The following HAUS8 variants were observed in gnomAD, a reference collection of about 807,000 sequenced individuals.
HAUS8 encodes HAUS augmin-like complex subunit 8.
A neutral mutation model predicts 42.9 loss-of-function variants in HAUS8; 38 were observed. The ratio of observed to expected loss-of-function variants is 0.89; its 90% CI spans 0.68 to 1.16. HAUS8 has a LOEUF of 1.16. Ranked by LOEUF, HAUS8 falls within the 50% of genes most tolerant of loss-of-function variation. The probability of loss-of-function intolerance (pLI) is 0.00; values close to 1 mark genes in which losing one functional copy is unlikely to be tolerated. For missense variants in HAUS8, 494 were observed against 511.6 expected, an observed-to-expected ratio of 0.97 and a Z score of 0.33; for synonymous variants, 199 against 205.8, an observed-to-expected ratio of 0.97 and a Z score of 0.28.
intron 9 of HAUS8, chr19:17,055,114 G>GAAAAAAAAAAA (rs1175327637): frequency 2.1e-4 from 1 of 4,720 alleles, no homozygotes; most frequent in Non-Finnish European, 3.7e-4. Flanking sequence ...CGTCTCTACA[G>GAAAAAAAAAAA]AAAAAAAAAA....
At chr19:17,059,491 C>G in intron 6 of HAUS8, 66 bp downstream of exon 6, 3 of 1,129,272 alleles carry the variant, frequency 2.7e-6, no homozygotes, top group Non-Finnish European at 2.7e-6. Context: ...GCATCTGGTT[C>G]AGAGTGGACT....
chr19:17,054,306 AGAGACT>A lies in HAUS8; in HGVS notation c.788-1346_788-1341del, dbSNP rs369894824. Among the ~76,000 whole-genome samples the A allele has an allele frequency of 3.7e-3, 556 of 152,266 alleles. 2 individuals are homozygous for A. Among genetic ancestry groups the A allele is most frequent in the African/African-American group, 0.013 (533 of 41,550 alleles). ...CCAGGAACTACCTAAGGAACTGAGC[AGAGACT>A]GAGTGTTTTCTAAGAGTTACAGATG... On this transcript the variant is annotated intron_variant, in intron 9 of 10. Transcript: ENST00000253669.
chr19:17,068,934 A>G, intron 3 of HAUS8, 97 bp downstream of exon 3: 1 of 1,061,110 alleles, frequency 9.4e-7, no homozygotes, highest in Non-Finnish European at 1.4e-6. Flanking sequence ...TTCCTTCAGG[A>G]CCAGGTTGTG....
intron 10 of HAUS8, chr19:17,052,569 C>T (rs2057294187): frequency 1.6e-5 from 6 of 371,994 alleles, no homozygotes; most frequent in South Asian, 1.3e-4. Flanking sequence ...AGAGTGAGAA[C>T]CTGTCTCAAA....
intron 10 of HAUS8, 22 bp downstream of exon 10, chr19:17,052,803 C>T (rs755168911): frequency 6.2e-7 from 1 of 1,613,930 alleles, no homozygotes. Context: ...CCACCTCTTT[C>T]TTAAAGCATT....
intron 10 of HAUS8, among the ~76,000 whole-genome samples, chr19:17,050,985 C>G (rs2057284101): frequency 6.6e-6 from 1 of 151,618 alleles, no homozygotes. Context: ...GCTTGAGCCT[C>G]GGAGGCAGAG....
chr19:17,073,787 G>A (rs181633845), intron 1 of HAUS8: 162 of 181,364 alleles, frequency 8.9e-4, no homozygotes, highest in African/African-American at 3.6e-3. Context: ...GGCGGATCAC[G>A]AGGTCAGGAG....
rs555356202 is a variant in HAUS8, at chr19:17,072,777, A to G, written c.91+497T>C. ...ACCGATAGGTGGAAATCAGATGTAC[A>G]GGCACCCCTCATGAGACTGACACGC... On this transcript the variant is annotated intron_variant, in intron 2 of 10. Coordinates refer to ENST00000253669, the MANE Select transcript of HAUS8 (RefSeq NM_033417.2). Among the ~76,000 whole-genome samples the G allele has an allele frequency of 5.9e-5, 9 of 152,052 alleles. 1 individual carries two copies. In the South Asian group the frequency reaches 1.9e-3, roughly 32 times the overall value.
At chr19:17,063,968 C>A (rs2057374668) in intron 3 of HAUS8, among the ~76,000 whole-genome samples, 2 of 152,208 alleles carry the variant, frequency 1.3e-5, no homozygotes, top group South Asian at 4.1e-4. Flanking sequence ...GTAAATAAAT[C>A]TCCTTTTATA....
intron 4 of HAUS8, among the ~76,000 whole-genome samples, chr19:17,060,880 G>A (rs1305990908): frequency 6.6e-6 from 1 of 152,180 alleles, no homozygotes; most frequent in Non-Finnish European, 1.5e-5. Context: ...TGCTGCAGAT[G>A]CCAACAGATG....
intron 2 of HAUS8, 93 bp from the exon 3 acceptor site, chr19:17,069,179 G>A (rs750092467): frequency 8.3e-6 from 9 of 1,084,558 alleles, no homozygotes; most frequent in Non-Finnish European, 1.3e-5. Context: ...CAGATGCCAG[G>A]GGCCCTCTCC....
chr19:17,054,165 T>C lies in HAUS8; in HGVS notation c.788-1199A>G, dbSNP rs1599970241. Among the ~76,000 whole-genome samples, 3 of 152,210 alleles carry C rather than the reference T, an allele frequency of 2.0e-5. 1 individual carries two copies. The South Asian group carries it at 6.2e-4, about 32-fold the overall frequency. On this transcript the variant is annotated intron_variant, in intron 9 of 10. Transcript: ENST00000253669. ...AACGCCTTGATTTCAGACTTCTGGCTGAAATCAAGACTCCCAGAACTGGGA... is the reference window on the plus strand; with the variant it reads ...AACGCCTTGATTTCAGACTTCTGGCCGAAATCAAGACTCCCAGAACTGGGA...
chr19:17,050,233 G>C, intron 10 of HAUS8, 57 bp from the exon 11 acceptor site: 1 of 1,367,668 alleles, frequency 7.3e-7, no homozygotes, highest in Non-Finnish European at 9.6e-7. Context: ...AAGCGCATGT[G>C]TGTGGTGAAC....
intron 3 of HAUS8, among the ~76,000 whole-genome samples, chr19:17,063,886 C>G (rs958503802): frequency 1.3e-5 from 2 of 152,196 alleles, no homozygotes; most frequent in African/African-American, 4.8e-5. Flanking sequence ...CACCAACCTT[C>G]CTGGCTCTCC....
intron 2 of HAUS8, 42 bp downstream of exon 2, chr19:17,073,229 AAAG>A (rs1380577108): frequency 1.3e-6 from 2 of 1,548,944 alleles, no homozygotes; most frequent in Non-Finnish European, 1.8e-6. Flanking sequence ...GCACGTAATG[AAAG>A]AAGAAAACCA....
rs374223336 is a variant in HAUS8, at chr19:17,056,351, A to G, written c.646-349T>C. 5.8e-4 allele frequency among the ~76,000 whole-genome samples: 89 copies of G among 152,296 alleles called. 1 individual carries two copies. Among genetic ancestry groups the G allele is most frequent in the African/African-American group, 2.0e-3 (85 of 41,568 alleles). On this transcript the variant is annotated intron_variant, in intron 8 of 10. Transcript: ENST00000253669. ...CCCCAAACATGCTGTCTGGGTCTTC[A>G]TGGGGGTTTGAAATGATATACGATT... is the stretch of plus-strand genomic sequence containing the variant.
chr19:17,062,685 G>A lies in HAUS8; in HGVS notation c.229+13C>T. On this transcript the variant is annotated intron_variant, in intron 4 of 10. Coordinates refer to ENST00000253669, the MANE Select transcript of HAUS8 (RefSeq NM_033417.2). ...GCGCTCATCACTGCCCGAGGACCAT[G>A]GCTGTTTCGCACCTTTGCTTTTCTG... The A allele has an allele frequency of 6.2e-7, 1 of 1,610,516 alleles. No individual in the cohort carries two copies. The highest frequency in any genetic ancestry group is 8.5e-7 in the Non-Finnish European group (1 of 1,176,736).
At chr19:17,066,286 G>A (rs1360025428) in intron 3 of HAUS8, among the ~76,000 whole-genome samples, 3 of 151,912 alleles carry the variant, frequency 2.0e-5, no homozygotes, top group Non-Finnish European at 1.5e-5. Context: ...TTTCAGAGAC[G>A]GGGTCTCGCC....
chr19:17,060,236 A>AG, intron 4 of HAUS8, 144 bp from the exon 5 acceptor site: 1 of 544,368 alleles, frequency 1.8e-6, no homozygotes, highest in East Asian at 2.9e-5. Context: ...AAAAAAAAAA[A>AG]AAAAAAAAAA....
Sources: gnomAD v4.1 joint callset for allele counts (sites outside exome capture counted in the v4.1 genomes callset) on GRCh38, gnomAD v4.1.1 for gene constraint, MANE v1.5 for transcripts, NCBI Gene and HGNC (gene_info 2026-07-23, HGNC 2026-07-21) for gene names.